The following AUTS2 variants were observed in gnomAD, a reference collection of about 807,000 sequenced individuals.
AUTS2 encodes the protein activator of transcription and developmental regulator AUTS2.
A neutral mutation model predicts 112.4 loss-of-function variants in AUTS2; 17 were observed. The observed-to-expected ratio is 0.15, with a 90% CI of 0.10 to 0.23. The LOEUF is 0.23. Among genes scored for constraint, AUTS2 ranks in the 10% least tolerant of loss-of-function variants. AUTS2 has a pLI of 1.00. For missense variants in AUTS2, 1,510 were observed against 1,701.6 expected (o/e 0.89, Z 1.98); for synonymous variants, 751 against 702.7 (o/e 1.07, Z -1.09).
chr7:70,409,630 G>A (rs1247217347), intron 4 of AUTS2, among the ~76,000 whole-genome samples: 2 of 152,094 alleles, frequency 1.3e-5, no homozygotes, highest in Non-Finnish European at 2.9e-5. Context: ...TTAATGGGAG[G>A]GGAAAGCCTA....
chr7:69,738,229 A>AT (rs558364462), intron 1 of AUTS2, among the ~76,000 whole-genome samples: 73 of 147,858 alleles, frequency 4.9e-4, no homozygotes, highest in Admixed American at 1.8e-3. Flanking sequence ...CCTTGGATCC[A>AT]TTTTTTTTTT....
chr7:69,889,643 TA>T (rs1794431921), intron 1 of AUTS2, among the ~76,000 whole-genome samples: 1 of 152,184 alleles, frequency 6.6e-6, no homozygotes, highest in Non-Finnish European at 1.5e-5. Context: ...AGATTTTTTT[TA>T]AAAAGAACAT....
At chr7:69,622,559 T>C (rs1041247061) in intron 1 of AUTS2, among the ~76,000 whole-genome samples, 3 of 152,154 alleles carry the variant, frequency 2.0e-5, no homozygotes, top group Non-Finnish European at 2.9e-5. Context: ...ATAATGATAA[T>C]GAAAATAGGG....
In AUTS2 at chr7:70,095,257, A is replaced by AGTGT. The variant is rs748946398; in HGVS notation, c.523-22861_523-22858dup. Among the ~76,000 whole-genome samples, 17 of 150,686 alleles carry AGTGT rather than the reference A, an allele frequency of 1.1e-4. 1 individual carries two copies. The East Asian group carries it at 1.6e-3, about 14-fold the overall frequency. On this transcript the variant is annotated intron_variant, in intron 2 of 18. Coordinates refer to ENST00000342771, the MANE Select transcript of AUTS2 (RefSeq NM_015570.4). Reference sequence around the variant, plus strand: ...TGAGAGGATTGGATCACATATTAAGAGTGTGTGTGTGTGTGTGCGTGCGTG... The same window carrying AGTGT: ...TGAGAGGATTGGATCACATATTAAGAGTGTGTGTGTGTGTGTGTGTGCGTGCGTG...
chr7:69,789,221 T>A (rs1789510346), intron 1 of AUTS2, among the ~76,000 whole-genome samples: 1 of 152,156 alleles, frequency 6.6e-6, no homozygotes, highest in East Asian at 1.9e-4. Context: ...CATTCAGCAA[T>A]GGCTCTCAAA....
chr7:70,128,100 T>C (rs1429076000), intron 3 of AUTS2, among the ~76,000 whole-genome samples: 1 of 152,198 alleles, frequency 6.6e-6, no homozygotes, highest in Non-Finnish European at 1.5e-5. Context: ...CTGACAAGGA[T>C]TCTTGGTGTT....
intron 2 of AUTS2, among the ~76,000 whole-genome samples, chr7:70,039,485 C>T (rs919380767): frequency 6.6e-6 from 1 of 152,082 alleles, no homozygotes; most frequent in African/African-American, 2.4e-5. Flanking sequence ...GCCTCAGCCT[C>T]CCTAGTAGCT....
chr7:69,886,588 A>C (rs1028628854), intron 1 of AUTS2, among the ~76,000 whole-genome samples: 1 of 152,200 alleles, frequency 6.6e-6, no homozygotes, highest in African/African-American at 2.4e-5. Flanking sequence ...CTGAGTGGAC[A>C]GAATGTCTCT....
At chr7:70,395,651 T>C (rs2129924983) in intron 4 of AUTS2, among the ~76,000 whole-genome samples, 1 of 152,290 alleles carries the variant, frequency 6.6e-6, no homozygotes, top group South Asian at 2.1e-4. Flanking sequence ...TAACATAGGT[T>C]GAAAGTTAGT....
chr7:70,112,763 T>G (rs1259793547), intron 2 of AUTS2, among the ~76,000 whole-genome samples: 3 of 152,008 alleles, frequency 2.0e-5, no homozygotes, highest in Non-Finnish European at 4.4e-5. Context: ...TAATAAATAA[T>G]GGGACATCAA....
chr7:69,901,781 T>A (rs1794979985), intron 2 of AUTS2, among the ~76,000 whole-genome samples: 1 of 152,310 alleles, frequency 6.6e-6, no homozygotes, highest in East Asian at 1.9e-4. Context: ...AAGGTGATAA[T>A]TGAGATAAGG....
chr7:70,042,235 A>G (rs1268303856), intron 2 of AUTS2, among the ~76,000 whole-genome samples: 1 of 151,428 alleles, frequency 6.6e-6, no homozygotes, highest in Non-Finnish European at 1.5e-5. Flanking sequence ...TCTTACTTGA[A>G]CAGCATTATT....
chr7:69,982,104 C>T (rs146211349), intron 2 of AUTS2, among the ~76,000 whole-genome samples: 6 of 152,290 alleles, frequency 3.9e-5, no homozygotes, highest in African/African-American at 1.4e-4. Flanking sequence ...TTAAATCAGT[C>T]AACAAATAGG....
At chr7:70,204,695 G>C (rs760233324) in intron 4 of AUTS2, among the ~76,000 whole-genome samples, 1 of 152,030 alleles carries the variant, frequency 6.6e-6, no homozygotes, top group Non-Finnish European at 1.5e-5. Context: ...GGAACCTTCT[G>C]TTTATCATTG....
At chr7:69,671,852 G>C (rs1364641511) in intron 1 of AUTS2, among the ~76,000 whole-genome samples, 3 of 150,974 alleles carry the variant, frequency 2.0e-5, no homozygotes, top group African/African-American at 2.4e-5. Context: ...CTTTGAGCTG[G>C]CTTACAAAAA....
intron 16 of AUTS2, chr7:70,785,259 A>G (rs1395162981): frequency 1.6e-6 from 1 of 612,652 alleles, no homozygotes; most frequent in African/African-American, 1.8e-5. Flanking sequence ...TTCTGCCTGA[A>G]CTTCCCATGG....
chr7:69,944,270 A>G (rs1440967342), intron 2 of AUTS2, among the ~76,000 whole-genome samples: 1 of 152,128 alleles, frequency 6.6e-6, no homozygotes, highest in Admixed American at 6.6e-5. Flanking sequence ...GACTATTCCT[A>G]ATAAAATGGT....
intron 1 of AUTS2, among the ~76,000 whole-genome samples, chr7:69,794,708 G>A (rs1042624641): frequency 1.3e-5 from 2 of 151,590 alleles, no homozygotes; most frequent in African/African-American, 2.4e-5. Flanking sequence ...ACTCAATTAC[G>A]CAGGGCTCTC....
At chr7:70,163,100 G>A (rs934587495) in intron 4 of AUTS2, among the ~76,000 whole-genome samples, 3 of 151,728 alleles carry the variant, frequency 2.0e-5, no homozygotes, top group Non-Finnish European at 2.9e-5. Context: ...TTTGGGAGAG[G>A]GTCAATAGAG....
Sources: gnomAD v4.1 joint callset for allele counts (sites outside exome capture counted in the v4.1 genomes callset) on GRCh38, gnomAD v4.1.1 for gene constraint, MANE v1.5 for transcripts, NCBI Gene and HGNC (gene_info 2026-07-23, HGNC 2026-07-21) for gene names.